PAN3: variants seen among roughly 807,000 people sequenced by gnomAD.
PAN3 encodes the protein poly(A) specific ribonuclease subunit PAN3, also known as PAN2-PAN3 deadenylation complex subunit PAN3.
A neutral mutation model predicts 96.2 loss-of-function variants in PAN3; 19 were observed. The observed-to-expected ratio is 0.20, with a 90% CI of 0.14 to 0.29. The LOEUF is 0.29. Ranked by LOEUF, PAN3 falls within the 10% of genes least tolerant of loss-of-function variation. The pLI is 1.00. For synonymous variants in PAN3, 433 were observed against 406.6 expected (o/e 1.06, Z -0.78); for missense variants, 882 against 1,108.1 (o/e 0.80, Z 2.90).
At chr13:28,268,342 G>A (rs949661339) in intron 12 of PAN3, among the ~76,000 whole-genome samples, 1 of 151,816 alleles carries the variant, frequency 6.6e-6, no homozygotes, top group East Asian at 1.9e-4. Context: ...TGTTCTTTAT[G>A]TAATTATTTC....
chr13:28,242,989 T>C (rs1883823089), intron 6 of PAN3, among the ~76,000 whole-genome samples: 1 of 152,238 alleles, frequency 6.6e-6, no homozygotes, highest in African/African-American at 2.4e-5. Flanking sequence ...ATTTCTGATG[T>C]TTAGATATAT....
At chr13:28,210,314 C>G (rs531950399) in intron 5 of PAN3, among the ~76,000 whole-genome samples, 1 of 152,106 alleles carries the variant, frequency 6.6e-6, no homozygotes, top group Admixed American at 6.6e-5. Context: ...AAGCTTGTTA[C>G]TAATTGATCT....
chr13:28,250,306 C>G (rs1280347222), intron 6 of PAN3, among the ~76,000 whole-genome samples: 1 of 152,022 alleles, frequency 6.6e-6, no homozygotes, highest in East Asian at 1.9e-4. Context: ...AGCAATCCTT[C>G]CACCTCAGCC....
At chr13:28,236,631 A>G (rs1251677500) in intron 6 of PAN3, among the ~76,000 whole-genome samples, 2 of 152,160 alleles carry the variant, frequency 1.3e-5, no homozygotes, top group East Asian at 1.9e-4. Flanking sequence ...TATTTTTTCT[A>G]TTTGTTTTAA....
At chr13:28,250,227 C>G (rs934558307) in intron 6 of PAN3, among the ~76,000 whole-genome samples, 2 of 150,730 alleles carry the variant, frequency 1.3e-5, no homozygotes, top group African/African-American at 4.9e-5. Context: ...AACAGCATCT[C>G]TCTGTCACCC....
chr13:28,185,005 A>G (rs1399490337), intron 4 of PAN3, among the ~76,000 whole-genome samples: 1 of 152,180 alleles, frequency 6.6e-6, no homozygotes, highest in Admixed American at 6.5e-5. Context: ...AAATAGCAAA[A>G]TATTAAGCCA....
In PAN3 at chr13:28,217,290, T is replaced by C. The variant is rs1286882; in HGVS notation, c.853-2941T>C. Among the ~76,000 whole-genome samples the C allele has an allele frequency of 2.4e-3, 359 of 149,566 alleles. 1 individual carries two copies. The highest frequency in any genetic ancestry group is 8.3e-3 in the African/African-American group (339 of 40,698). Reference sequence around the variant, plus strand: ...CACTTGGTTGTTTTGGACATGAAAATTGGGGGGCAGGCTGGGCACAGTGGC... The same window carrying C: ...CACTTGGTTGTTTTGGACATGAAAACTGGGGGGCAGGCTGGGCACAGTGGC... On this transcript the variant is annotated intron_variant, in intron 5 of 18. Coordinates refer to ENST00000380958, the MANE Select transcript of PAN3 (RefSeq NM_175854.8).
At chr13:28,206,447 C>T (rs1414301033) in intron 5 of PAN3, among the ~76,000 whole-genome samples, 1 of 151,468 alleles carries the variant, frequency 6.6e-6, no homozygotes, top group Non-Finnish European at 1.5e-5. Flanking sequence ...TCTCAGCCTC[C>T]CAAGTAGCTG....
At chr13:28,289,838 G>C (rs1173176916) in intron 18 of PAN3, among the ~76,000 whole-genome samples, 10 of 152,060 alleles carry the variant, frequency 6.6e-5, no homozygotes, top group Admixed American at 4.6e-4. Context: ...GCCGAGATTG[G>C]GCCACTGCAC....
chr13:28,148,305 T>C (rs1870937039), intron 1 of PAN3, among the ~76,000 whole-genome samples: 1 of 152,036 alleles, frequency 6.6e-6, no homozygotes, highest in Non-Finnish European at 1.5e-5. Context: ...TTTTTAGAGA[T>C]GGGGTCTTGC....
At chr13:28,219,029 A>G (rs1344702307) in intron 5 of PAN3, among the ~76,000 whole-genome samples, 1 of 152,212 alleles carries the variant, frequency 6.6e-6, no homozygotes, top group Non-Finnish European at 1.5e-5. Context: ...CTAGGAAGGT[A>G]CTACGTTAGT....
At chr13:28,155,317 C>T (rs182378864) in intron 1 of PAN3, among the ~76,000 whole-genome samples, 2 of 152,102 alleles carry the variant, frequency 1.3e-5, no homozygotes, top group African/African-American at 4.8e-5. Flanking sequence ...CATATCAGGC[C>T]GGACACAGTG....
intron 14 of PAN3, among the ~76,000 whole-genome samples, chr13:28,273,142 A>AT (rs1383596998): frequency 6.6e-6 from 1 of 152,226 alleles, no homozygotes; most frequent in African/African-American, 2.4e-5. Flanking sequence ...TAGTCAGAAC[A>AT]TACCACTCAC....
Position 28,192,531 on chromosome 13 carries a change from C to T in PAN3, c.691-4654C>T, listed in dbSNP as rs145746923. Among the ~76,000 whole-genome samples the T allele has an allele frequency of 7.2e-3, 1,099 of 152,340 alleles. 8 individuals are homozygous for T. Among genetic ancestry groups the T allele is most frequent in the Middle Eastern group, 0.031 (9 of 292 alleles). On this transcript the variant is annotated intron_variant, in intron 4 of 18. Coordinates refer to ENST00000380958, the MANE Select transcript of PAN3 (RefSeq NM_175854.8). ...ATACTTCCATCTCATATTTTCCTATCTAGGCACATTTATTCTTCCTTCAGA... is the reference window on the plus strand; with the variant it reads ...ATACTTCCATCTCATATTTTCCTATTTAGGCACATTTATTCTTCCTTCAGA...
intron 5 of PAN3, chr13:28,215,927 C>G: frequency 1.7e-6 from 2 of 1,145,816 alleles, no homozygotes; most frequent in Non-Finnish European, 2.6e-6. Context: ...CCACTCTAGT[C>G]TTAATCAGTG....
In PAN3 at chr13:28,266,036, GTT is replaced by G. The variant is rs67638164; in HGVS notation, c.1412-662_1412-661del. 2.1e-3 allele frequency among the ~76,000 whole-genome samples: 41 copies of G among 19,844 alleles called. 11 individuals are homozygous for G. Among genetic ancestry groups the G allele is most frequent in the Admixed American group, 3.4e-3 (5 of 1,482 alleles). The allele number at this position is 19,844 out of a possible 152,430, so 13.0% of individuals were successfully genotyped here. ...AGGCGTGAGCCACCGCGCCCGGCCG[GTT>G]TTTTTTTTTTTTTTTTAACAGACAT... On this transcript the variant is annotated intron_variant, in intron 9 of 18. Coordinates refer to ENST00000380958, the MANE Select transcript of PAN3 (RefSeq NM_175854.8).
rs754807687 is a variant in PAN3, at chr13:28,138,771, C to T, written c.114C>T (p.Gly38=). 34 of 1,355,314 alleles carry T rather than the reference C, an allele frequency of 2.5e-5. No individual in the cohort carries two copies. The highest frequency in any genetic ancestry group is 3.8e-4 in the Middle Eastern group (2 of 5,224). 84.0% of individuals were successfully genotyped at this position (1,355,314 alleles called of 1,614,324 possible). Residue 38 remains glycine (G), a synonymous_variant, in exon 1 of 19, where the codon GGC becomes GGT. Transcript: ENST00000380958. ...CGCCGGGGGTCGGGGGTGTCCCCGGCGGGGCGGCGGTAGGAGTGAAGCTGA... is the reference window on the plus strand; with the variant it reads ...CGCCGGGGGTCGGGGGTGTCCCCGGTGGGGCGGCGGTAGGAGTGAAGCTGA... ...VAPPGVGGVP[G]GAAVGVKLKY...
intron 1 of PAN3, among the ~76,000 whole-genome samples, chr13:28,161,118 C>A (rs1466970321): frequency 6.6e-6 from 1 of 152,082 alleles, no homozygotes; most frequent in East Asian, 1.9e-4. Context: ...TAATGTTTGA[C>A]TGAAATATTT....
rs61950185 is a variant in PAN3, at chr13:28,176,776, G to A, written c.619+217G>A. Among the ~76,000 whole-genome samples, 558 of 152,088 alleles carry A rather than the reference G, an allele frequency of 3.7e-3. 3 individuals carry two copies. Among genetic ancestry groups the A allele is most frequent in the Non-Finnish European group, 6.2e-3 (421 of 67,996 alleles). On this transcript the variant is annotated intron_variant, in intron 3 of 18. Coordinates refer to ENST00000380958, the MANE Select transcript of PAN3 (RefSeq NM_175854.8). The stretch of plus-strand genomic sequence containing the variant: ...AATCCCAGCACTTTGGGAGGCTCAG[G>A]TGGGAGGAATGATTGAGCCCAGGAG...
Sources: allele counts gnomAD v4.1 joint callset (sites outside exome capture counted in the v4.1 genomes callset), GRCh38; gene constraint gnomAD v4.1.1; transcripts MANE v1.5; gene names NCBI Gene and HGNC (gene_info 2026-07-23, HGNC 2026-07-21).